Variants in MVD observed in about 807,000 individuals in gnomAD.
MVD encodes mevalonate diphosphate decarboxylase.
MVD carries 52 observed loss-of-function variants against 42.4 expected under a neutral mutation model. The ratio of observed to expected loss-of-function variants is 1.23; its 90% CI spans 0.98 to 1.55. The LOEUF is 1.55. MVD is among the 40% of genes most tolerant of loss of function. The pLI is 0.00. For synonymous variants in MVD, 287 were observed against 243.2 expected (o/e 1.18, Z -1.68); for missense variants, 663 against 572.1 (o/e 1.16, Z -1.62).
intron 1 of MVD, chr16:88,662,646 A>G (rs1405944838): frequency 9.6e-6 from 12 of 1,247,428 alleles, no homozygotes; most frequent in East Asian, 6.0e-5. Context: ...GGCTCTGGCC[A>G]TCCTCCCGCC....
chr16:88,662,643 G>A lies in MVD; in HGVS notation c.70+368C>T, dbSNP rs1908379819. 2.4e-6 allele frequency: 3 copies of A among 1,242,088 alleles called. No homozygotes were observed. The South Asian group carries it at 4.3e-5, about 18-fold the overall frequency. The allele number at this position is 1,242,088 out of a possible 1,614,324, so 76.9% of individuals were successfully genotyped here. ...TGCAGCCTCGACCTCCCGGGCTCTGGCCATCCTCCCGCCTCAGCCTCCCGA... is the reference window on the plus strand; with the variant it reads ...TGCAGCCTCGACCTCCCGGGCTCTGACCATCCTCCCGCCTCAGCCTCCCGA... On this transcript the variant is annotated intron_variant, in intron 1 of 9. Transcript: ENST00000301012.
chr16:88,655,384 C>T lies in MVD; in HGVS notation c.712G>A (p.Ala238Thr). ...RAESVVPARM[A>T]EMARCIRERD... The stretch of plus-strand genomic sequence containing the variant: ...TCCCGGATGCAGCGGGCCATCTCCG[C>T]CATGCGCGCGGGCACCACGGACTCG... The change falls in exon 7 of 10, where the codon GCG becomes ACG. Residue 238 changes from alanine (A) to threonine (T), a missense_variant. Physicochemically the swap from Ala to Thr is moderately conservative, Grantham distance 58. Coordinates refer to ENST00000301012, the MANE Select transcript of MVD (RefSeq NM_002461.3). 1.3e-6 allele frequency: 2 copies of T among 1,593,166 alleles called. No individual in the cohort carries two copies. Among genetic ancestry groups the T allele is most frequent in the Non-Finnish European group, 1.7e-6 (2 of 1,171,658 alleles).
Position 88,655,329 on chromosome 16 carries a change from G to A in MVD, c.767C>T (p.Thr256Ile). ...ERDFPSFAQL[T>I]MKDSNQFHAT... ...GTGGAACTGGTTGCTGTCCTTCATG[G>A]TCAGCTGGGCGAAGCTGGGGAAGTC... is the stretch of plus-strand genomic sequence containing the variant. Residue 256 changes from threonine to isoleucine, a missense_variant, in exon 7 of 10, where the codon ACC (threonine) becomes ATC (isoleucine). Coordinates refer to ENST00000301012, the MANE Select transcript of MVD (RefSeq NM_002461.3). 1 of 1,601,602 alleles carries A rather than the reference G, an allele frequency of 6.2e-7. No individual in the cohort carries two copies. Among genetic ancestry groups the A allele is most frequent in the Non-Finnish European group, 8.5e-7 (1 of 1,174,376 alleles).
chr16:88,653,652 C>T (rs1213712224), intron 8 of MVD: 2 of 475,388 alleles, frequency 4.2e-6, no homozygotes, highest in Admixed American at 8.3e-5. Flanking sequence ...GGATTATATG[C>T]TCTCGAATGG....
At chr16:88,657,783 C>T (rs1473422060) in intron 3 of MVD, 132 bp downstream of exon 3, 2 of 1,244,642 alleles carry the variant, frequency 1.6e-6, no homozygotes. Flanking sequence ...GAGCTGGCGG[C>T]CCAGCGGGCA....
chr16:88,657,325 G>T, intron 4 of MVD, 111 bp downstream of exon 4: 1 of 1,430,532 alleles, frequency 7.0e-7, no homozygotes, highest in South Asian at 1.3e-5. Context: ...CCTGGGGTGA[G>T]GGGATGCTCT....
Position 88,658,043 on chromosome 16 carries a change from C to A in MVD, c.142-14G>T, listed in dbSNP as rs372796451. The A allele has an allele frequency of 8.7e-6, 14 of 1,612,794 alleles. No individual in the cohort carries two copies. The African/African-American group carries it at 1.7e-4, about 20-fold the overall frequency. On this transcript the variant is annotated splice_polypyrimidine_tract_variant and intron_variant, in intron 2 of 9. Coordinates refer to ENST00000301012, the MANE Select transcript of MVD (RefSeq NM_002461.3). ...GGTGGTTTTTAACTGAAAAGGAAACCCAGGGCCACCTCAGAGGCCAGCATT... is the reference window on the plus strand; with the variant it reads ...GGTGGTTTTTAACTGAAAAGGAAACACAGGGCCACCTCAGAGGCCAGCATT...
At chr16:88,656,543 C>A in intron 4 of MVD, 1 of 582,044 alleles carries the variant, frequency 1.7e-6, no homozygotes, top group Non-Finnish European at 3.1e-6. Context: ...CGGCCCGCGA[C>A]AAGGGCAACA....
intron 1 of MVD, among the ~76,000 whole-genome samples, chr16:88,660,187 G>C (rs1908201227): frequency 6.6e-6 from 1 of 152,108 alleles, no homozygotes; most frequent in South Asian, 2.1e-4. Flanking sequence ...GGGCCTGGTG[G>C]GGATGGGACA....
chr16:88,652,963 C>G (rs1489377255), intron 9 of MVD, among the ~76,000 whole-genome samples: 1 of 152,082 alleles, frequency 6.6e-6, no homozygotes, highest in Non-Finnish European at 1.5e-5. Flanking sequence ...GAACTCCGGT[C>G]TGCTGGGGTG....
chr16:88,659,658 G>A (rs935438227), intron 1 of MVD, among the ~76,000 whole-genome samples: 1 of 152,246 alleles, frequency 6.6e-6, no homozygotes, highest in East Asian at 1.9e-4. Flanking sequence ...AGGAAGGGCA[G>A]CCTAGCAACA....
At chr16:88,658,872 C>A in intron 1 of MVD, 152 bp from the exon 2 acceptor site, 2 of 665,476 alleles carry the variant, frequency 3.0e-6, no homozygotes, top group Admixed American at 2.2e-5. Flanking sequence ...TCCTGCCAGA[C>A]CCCGGCCTGC....
chr16:88,661,964 A>T (rs932070568), intron 1 of MVD: 2 of 151,702 alleles, frequency 1.3e-5, no homozygotes, highest in Non-Finnish European at 2.9e-5. Flanking sequence ...ACACACACAC[A>T]AACATACATA....
intron 5 of MVD, 82 bp downstream of exon 5, chr16:88,656,023 C>T (rs149452028): frequency 6.6e-7 from 1 of 1,503,978 alleles, no homozygotes; most frequent in African/African-American, 1.4e-5. Context: ...TGGATGGACG[C>T]CTTCGCTCCT....
chr16:88,657,288 T>C (rs1273171200), intron 4 of MVD, 148 bp downstream of exon 4: 1 of 1,129,110 alleles, frequency 8.9e-7, no homozygotes, highest in Admixed American at 2.0e-5. Flanking sequence ...GGGAAGAGAC[T>C]GAACAACTCC....
chr16:88,652,422 A>G lies in MVD; in HGVS notation c.*103T>C. The G allele has an allele frequency of 7.6e-7, 1 of 1,317,918 alleles. No homozygotes were observed. The highest frequency in any genetic ancestry group is 1.5e-5 in the African/African-American group (1 of 68,440). The allele number at this position is 1,317,918 out of a possible 1,614,324, so 81.6% of individuals were successfully genotyped here. On this transcript the variant is annotated 3_prime_UTR_variant, in exon 10 of 10. Coordinates refer to ENST00000301012, the MANE Select transcript of MVD (RefSeq NM_002461.3). ...CTGCCCATGGGCCCGGGGTCAAGCC[A>G]CCACCCACATGTCCCAGGAGTCCGG... is the stretch of plus-strand genomic sequence containing the variant.
chr16:88,660,245 C>T (rs1908206501), intron 1 of MVD, among the ~76,000 whole-genome samples: 1 of 152,158 alleles, frequency 6.6e-6, no homozygotes, highest in African/African-American at 2.4e-5. Context: ...TATCTTGAGC[C>T]AGCACCCCCT....
intron 4 of MVD, 70 bp downstream of exon 4, chr16:88,657,366 C>G: frequency 6.5e-7 from 1 of 1,527,714 alleles, no homozygotes; most frequent in East Asian, 2.5e-5. Context: ...GGCTCCCTGA[C>G]CCGGGAAGAG....
Position 88,652,602 on chromosome 16 carries a change from C to T in MVD, c.1126G>A (p.Gly376Arg), listed in dbSNP as rs546127665. Residue 376 changes from glycine (G) to arginine (R), a missense_variant, in exon 10 of 10, where the codon GGG (glycine) becomes AGG (arginine). Physicochemically the swap from Gly to Arg is moderately radical, Grantham distance 125. Transcript: ENST00000301012. ...GVKYIIVTQV[G>R]PGPQILDDPC... ...TCATCCAGGATTTGAGGCCCTGGCCCCACCTGGGGATAGAAATCCATGTCA... is the reference window on the plus strand; with the variant it reads ...TCATCCAGGATTTGAGGCCCTGGCCTCACCTGGGGATAGAAATCCATGTCA... 10 of 1,556,640 alleles carry T rather than the reference C, an allele frequency of 6.4e-6. No individual in the cohort carries two copies. In the South Asian group the frequency reaches 7.1e-5, roughly 11 times the overall value.
Sources: gnomAD v4.1 joint callset for allele counts (sites outside exome capture counted in the v4.1 genomes callset) on GRCh38, gnomAD v4.1.1 for gene constraint, MANE v1.5 for transcripts, NCBI Gene and HGNC (gene_info 2026-07-23, HGNC 2026-07-21) for gene names.